HPSE2: variants seen among roughly 807,000 people sequenced by gnomAD.
HPSE2 encodes heparanase 2 (inactive).
A neutral mutation model predicts 60.5 loss-of-function variants in HPSE2; 38 were observed. That is an observed-to-expected ratio of 0.63 (90% confidence interval 0.48 to 0.82). The LOEUF (loss-of-function observed/expected upper bound fraction) is 0.82. Among genes scored for constraint, HPSE2 ranks in the 40% least tolerant of loss-of-function variants. HPSE2 has a pLI of 0.00. For missense variants in HPSE2, 713 were observed against 740.4 expected (o/e 0.96, Z 0.43); for synonymous variants, 295 against 293.2 (o/e 1.01, Z -0.06).
At chr10:99,000,226 C>A (rs1956746531) in intron 3 of HPSE2, among the ~76,000 whole-genome samples, 1 of 151,958 alleles carries the variant, frequency 6.6e-6, no homozygotes, top group African/African-American at 2.4e-5. Flanking sequence ...ACCCAGACAA[C>A]CTTGATGATA....
chr10:98,746,434 A>G (rs1044190908), intron 3 of HPSE2, among the ~76,000 whole-genome samples: 26 of 152,018 alleles, frequency 1.7e-4, no homozygotes, highest in African/African-American at 5.8e-4. Flanking sequence ...CATCATTAAT[A>G]CATTTTATAT....
intron 3 of HPSE2, among the ~76,000 whole-genome samples, chr10:98,903,532 A>G (rs1482174958): frequency 6.6e-6 from 1 of 152,160 alleles, no homozygotes; most frequent in Non-Finnish European, 1.5e-5. Context: ...GCTAAGATCA[A>G]GAAGCGGTCT....
chr10:98,508,453 G>C (rs1942274202), intron 9 of HPSE2, among the ~76,000 whole-genome samples: 1 of 152,202 alleles, frequency 6.6e-6, no homozygotes, highest in African/African-American at 2.4e-5. Context: ...GTGCCTAGTA[G>C]AGTGCCCGGC....
At chr10:98,583,764 T>C (rs1048642679) in intron 9 of HPSE2, among the ~76,000 whole-genome samples, 2 of 152,242 alleles carry the variant, frequency 1.3e-5, no homozygotes, top group African/African-American at 4.8e-5. Flanking sequence ...TCTGTCTCTA[T>C]GTATTCACCT....
intron 3 of HPSE2, among the ~76,000 whole-genome samples, chr10:98,908,709 AG>A (rs1178374059): frequency 1.8e-4 from 26 of 147,768 alleles, no homozygotes; most frequent in Non-Finnish European, 3.0e-4. Flanking sequence ...AAAAAAAAAA[AG>A]ATGGTATATG....
chr10:98,987,062 G>A (rs956530884), intron 3 of HPSE2, among the ~76,000 whole-genome samples: 10 of 151,928 alleles, frequency 6.6e-5, no homozygotes, highest in South Asian at 6.3e-4. Flanking sequence ...TCTACCAGAG[G>A]TACAAGGAGG....
At chr10:98,976,858 A>G (rs746955793) in intron 3 of HPSE2, among the ~76,000 whole-genome samples, 1 of 152,140 alleles carries the variant, frequency 6.6e-6, no homozygotes, top group Non-Finnish European at 1.5e-5. Context: ...ATCATCCTGG[A>G]CAATATGAGC....
At chr10:98,525,050 G>T (rs1004608125) in intron 9 of HPSE2, among the ~76,000 whole-genome samples, 3 of 152,090 alleles carry the variant, frequency 2.0e-5, no homozygotes, top group Non-Finnish European at 4.4e-5. Flanking sequence ...CACTCTTGTC[G>T]CCCAGGCTGG....
chr10:98,841,880 C>A (rs1951922131), intron 3 of HPSE2, among the ~76,000 whole-genome samples: 1 of 151,238 alleles, frequency 6.6e-6, no homozygotes, highest in African/African-American at 2.4e-5. Context: ...GATCTCAACT[C>A]GCTGCAACTT....
chr10:99,021,584 A>G (rs1957264373), intron 3 of HPSE2, among the ~76,000 whole-genome samples: 1 of 152,190 alleles, frequency 6.6e-6, no homozygotes, highest in African/African-American at 2.4e-5. Context: ...AAAAAAATAC[A>G]TAAATGTAAT....
intron 2 of HPSE2, among the ~76,000 whole-genome samples, chr10:99,199,063 A>G (rs979008052): frequency 2.0e-5 from 3 of 152,144 alleles, no homozygotes; most frequent in African/African-American, 7.2e-5. Flanking sequence ...GTCTTTTTAT[A>G]CCACATTTTT....
At position 99,144,267 on chromosome 10, in the gene HPSE2, G is replaced by C; in HGVS notation, c.581C>G (p.Ser194Cys). Residue 194 changes from serine (S) to cysteine (C), a missense_variant, in exon 3 of 12, where the codon TCC (serine) becomes TGC (cysteine). By Grantham distance (112) the Ser-to-Cys change is moderately radical. Coordinates refer to ENST00000370552, the MANE Select transcript of HPSE2 (RefSeq NM_021828.5). ...TAATATGAGATTACTGTAAGTATTG[G>C]AGAATTGCTCCTTTAGAAGAACCAG... ...MHLVLLKEQF[S>C]NTYSNLILTA... 2 of 1,613,986 alleles carry C rather than the reference G, an allele frequency of 1.2e-6. No homozygotes were observed. The highest frequency in any genetic ancestry group is 1.7e-6 in the Non-Finnish European group (2 of 1,179,998).
At chr10:98,697,134 A>C (rs1214037755) in intron 5 of HPSE2, among the ~76,000 whole-genome samples, 1 of 152,174 alleles carries the variant, frequency 6.6e-6, no homozygotes, top group Non-Finnish European at 1.5e-5. Context: ...AAGGGCACAG[A>C]ACTGGACAGA....
chr10:98,909,707 T>C (rs2135016265), intron 3 of HPSE2, among the ~76,000 whole-genome samples: 1 of 152,062 alleles, frequency 6.6e-6, no homozygotes, highest in South Asian at 2.1e-4. Context: ...AATTTCAGTT[T>C]GGGAAATTTA....
intron 3 of HPSE2, among the ~76,000 whole-genome samples, chr10:98,909,650 T>A (rs995784303): frequency 1.0e-4 from 15 of 148,130 alleles, no homozygotes; most frequent in Admixed American, 8.0e-4. Flanking sequence ...AAAAAAAAAA[T>A]GAAAAAAAAA....
At chr10:99,030,604 T>C (rs1957477691) in intron 3 of HPSE2, among the ~76,000 whole-genome samples, 1 of 152,004 alleles carries the variant, frequency 6.6e-6, no homozygotes, top group South Asian at 2.1e-4. Flanking sequence ...AAACTAAAAA[T>C]AGAGCTATCA....
intron 6 of HPSE2, among the ~76,000 whole-genome samples, chr10:98,662,798 C>T (rs1947258891): frequency 6.6e-6 from 1 of 152,140 alleles, no homozygotes; most frequent in Non-Finnish European, 1.5e-5. Context: ...CAGCTAGGAA[C>T]TCATAGAAGT....
At chr10:98,570,201 T>C (rs1944455620) in intron 9 of HPSE2, among the ~76,000 whole-genome samples, 2 of 152,302 alleles carry the variant, frequency 1.3e-5, no homozygotes, top group South Asian at 4.1e-4. Context: ...TCCTTCTCCT[T>C]GAAGGCAGTC....
the HPSE2 span, among the ~76,000 whole-genome samples, chr10:99,275,787 A>G: frequency 6.6e-6 from 1 of 152,168 alleles, no homozygotes; most frequent in Non-Finnish European, 1.5e-5. Flanking sequence ...GGCAGGCAAC[A>G]TCATCTCTGG....
Sources: allele counts gnomAD v4.1 joint callset (sites outside exome capture counted in the v4.1 genomes callset), GRCh38; gene constraint gnomAD v4.1.1; transcripts MANE v1.5; gene names NCBI Gene and HGNC (gene_info 2026-07-23, HGNC 2026-07-21).